The following ARFGAP1 variants were observed in gnomAD, a reference collection of about 807,000 sequenced individuals.
ARFGAP1 encodes the protein ARF GTPase activating protein 1.
ARFGAP1 carries 26 observed loss-of-function variants against 54.0 expected under a neutral mutation model. The ratio of observed to expected loss-of-function variants is 0.48; its 90% CI spans 0.35 to 0.67. ARFGAP1 has a LOEUF of 0.67. Among genes scored for constraint, ARFGAP1 ranks in the 30% least tolerant of loss-of-function variants. The pLI is 0.00. For missense variants in ARFGAP1, 525 were observed against 535.8 expected, an observed-to-expected ratio of 0.98 and a Z score of 0.20; for synonymous variants, 248 against 211.9, an observed-to-expected ratio of 1.17 and a Z score of -1.48.
chr20:63,274,828 A>G (rs1419068046), intron 1 of ARFGAP1, among the ~76,000 whole-genome samples: 4 of 152,180 alleles, frequency 2.6e-5, no homozygotes, highest in Non-Finnish European at 5.9e-5. Context: ...TTGAAGTTGT[A>G]CTTTGCTGAA....
intron 12 of ARFGAP1, 121 bp from the exon 13 acceptor site, chr20:63,287,443 A>G: frequency 1.1e-6 from 1 of 897,760 alleles, no homozygotes; most frequent in Non-Finnish European, 1.6e-6. Flanking sequence ...GCTGCTGTGG[A>G]CCCTGAGCGC....
At chr20:63,284,574 C>G (rs561687147) in intron 9 of ARFGAP1, 3 of 1,288,838 alleles carry the variant, frequency 2.3e-6, no homozygotes, top group Non-Finnish European at 2.0e-6. Flanking sequence ...GGGCCTGTTC[C>G]CACCAGCCCG....
chr20:63,282,906 A>C, intron 9 of ARFGAP1, 55 bp downstream of exon 9: 1 of 1,597,202 alleles, frequency 6.3e-7, no homozygotes, highest in Middle Eastern at 1.7e-4. Flanking sequence ...CCTGAGTCTG[A>C]CGTCACGTGC....
intron 6 of ARFGAP1, chr20:63,278,646 C>A: frequency 1.9e-6 from 1 of 531,842 alleles, no homozygotes; most frequent in Non-Finnish European, 3.3e-6. Flanking sequence ...TTGTTTTGAT[C>A]CTTCTTCTAG....
Position 63,278,160 on chromosome 20 carries a change from G to A in ARFGAP1, c.487G>A (p.Ala163Thr), listed in dbSNP as rs970162913. The A allele has an allele frequency of 5.0e-6, 8 of 1,613,746 alleles. No individual in the cohort carries two copies. The highest frequency in any genetic ancestry group is 5.1e-6 in the Non-Finnish European group (6 of 1,179,966). Residue 163 changes from alanine to threonine, a missense_variant, in exon 6 of 13, where the codon GCT becomes ACT. Ala to Thr is a moderately conservative substitution (Grantham distance 58, BLOSUM62 0). This residue lies in a region of ARFGAP1 where 466 missense variants were observed against 453.6 expected (regional missense o/e 1.03). Transcript: ENST00000370283. Reference protein sequence around the residue: ...PQSVTASSDKAFEDWLNDDLG... With the variant: ...PQSVTASSDKTFEDWLNDDLG... ...GAGTGTGACCGCCTCCTCGGACAAG[G>A]CTTTTGAAGACTGGCTGAATGATGA...
rs777264301 is a variant in ARFGAP1 at position 63,287,650 on chromosome 20, G to A, written c.998G>A (p.Gly333Glu). Residue 333 changes from glycine to glutamate, a missense_variant, in exon 13 of 13, where the codon GGA (glycine) becomes GAA (glutamate). Physicochemically the swap from Gly to Glu is moderately conservative, Grantham distance 98. Transcript: ENST00000370283. ...NIDQSFWETF[G>E]SAEPTKTRKS... ...GACCAGAGCTTCTGGGAGACCTTTGGAAGTGCTGAGCCCACCAAGACCCGC... is the reference window on the plus strand; with the variant it reads ...GACCAGAGCTTCTGGGAGACCTTTGAAAGTGCTGAGCCCACCAAGACCCGC... 7 of 1,612,596 alleles carry A rather than the reference G, an allele frequency of 4.3e-6. No individual in the cohort carries two copies. Among genetic ancestry groups the A allele is most frequent in the Non-Finnish European group, 5.9e-6 (7 of 1,179,946 alleles).
At position 63,288,560 on chromosome 20, in the gene ARFGAP1, G is replaced by A. The variant is rs752330600; in HGVS notation, c.*687G>A. On this transcript the variant is annotated 3_prime_UTR_variant, in exon 13 of 13. Coordinates refer to ENST00000370283, the MANE Select transcript of ARFGAP1 (RefSeq NM_018209.4). ...CACCCACACCTGAGCTGTTCTCAGTGCTGGAACTTGACCATCCTGGAACAC... is the reference window on the plus strand; with the variant it reads ...CACCCACACCTGAGCTGTTCTCAGTACTGGAACTTGACCATCCTGGAACAC... The A allele has an allele frequency of 3.8e-5, 17 of 452,594 alleles. No individual in the cohort carries two copies. Among genetic ancestry groups the A allele is most frequent in the African/African-American group, 2.0e-5 (1 of 50,024 alleles). 28.0% of individuals were successfully genotyped at this position (452,594 alleles called of 1,614,324 possible). A position where few individuals can be genotyped will look rare whatever the true frequency, so the allele number is the denominator to read the frequency against.
rs745961053 is a variant in ARFGAP1 at position 63,276,681 on chromosome 20, ATGGTG to A, written c.342+34_342+38del. On this transcript the variant is annotated intron_variant, in intron 4 of 12. Transcript: ENST00000370283. The surrounding 1 kb of genome is among the most constrained non-coding windows in gnomAD (Gnocchi z 5.2). ...AGATGGGCCCGATTCACTCTTGCCCATGGTGTGGGGCTGCCCTGCCGTTTGTGGCA... is the reference window on the plus strand; with the variant it reads ...AGATGGGCCCGATTCACTCTTGCCCATGGGGCTGCCCTGCCGTTTGTGGCA... 1.3e-6 allele frequency: 2 copies of A among 1,579,160 alleles called. No individual in the cohort carries two copies. Among genetic ancestry groups the A allele is most frequent in the South Asian group, 1.2e-5 (1 of 86,084 alleles).
intron 4 of ARFGAP1, 54 bp from the exon 5 acceptor site, chr20:63,277,151 G>C (rs529815011): frequency 2.0e-6 from 3 of 1,513,296 alleles, no homozygotes; most frequent in Non-Finnish European, 1.8e-6. Flanking sequence ...GACGGTGCCC[G>C]AGGGCATCGC....
Position 63,276,028 on chromosome 20 carries a change from G to A in ARFGAP1, c.61-63G>A. 1 of 1,503,922 alleles carries A rather than the reference G, an allele frequency of 6.6e-7. No individual in the cohort carries two copies. Among genetic ancestry groups the A allele is most frequent in the East Asian group, 2.3e-5 (1 of 44,372 alleles). The allele number at this position is 1,503,922 out of a possible 1,614,324, so 93.2% of individuals were successfully genotyped here. On this transcript the variant is annotated intron_variant, in intron 2 of 12. Coordinates refer to ENST00000370283, the MANE Select transcript of ARFGAP1 (RefSeq NM_018209.4). The surrounding 1 kb of genome is among the most constrained non-coding windows in gnomAD (Gnocchi z 5.2). Reference sequence around the variant, plus strand: ...TTCGCTCCTTGAGGCCACCTGTCGGGTCTTTGGGGTCCCTGGGCTCTGCCC... The same window carrying A: ...TTCGCTCCTTGAGGCCACCTGTCGGATCTTTGGGGTCCCTGGGCTCTGCCC...
At position 63,276,849 on chromosome 20, in the gene ARFGAP1, C is replaced by T. The variant is rs546998477; in HGVS notation, c.342+198C>T. On this transcript the variant is annotated intron_variant, in intron 4 of 12. Coordinates refer to ENST00000370283, the MANE Select transcript of ARFGAP1 (RefSeq NM_018209.4). The surrounding 1 kb of genome is among the most constrained non-coding windows in gnomAD (Gnocchi z 5.2). ...GAGGCAAATGGCTTGCGGGGGGAGA[C>T]AGACCTTCCCCGCCTCCAGGGGAGA... 8.4e-6 allele frequency: 5 copies of T among 592,760 alleles called. No individual in the cohort carries two copies. In the Admixed American group the frequency reaches 1.3e-4, roughly 15 times the overall value. 36.7% of individuals were successfully genotyped at this position (592,760 alleles called of 1,614,324 possible).
At chr20:63,281,855 C>T (rs1418348691) in intron 8 of ARFGAP1, among the ~76,000 whole-genome samples, 1 of 152,152 alleles carries the variant, frequency 6.6e-6, no homozygotes, top group Admixed American at 6.5e-5. Context: ...CATGGGCCCC[C>T]GGGGGCTGGG....
chr20:63,285,820 G>T (rs1051584857), intron 11 of ARFGAP1, 107 bp downstream of exon 11: 8 of 1,514,944 alleles, frequency 5.3e-6, no homozygotes, highest in East Asian at 4.5e-5. Context: ...GCCCAGCTTG[G>T]CAGTGGCCGC....
Position 63,287,665 on chromosome 20 carries a change from C to T in ARFGAP1, c.1013C>T (p.Thr338Ile), listed in dbSNP as rs1344599642. ...FWETFGSAEP[T>I]KTRKSPSSDS... ...GAGACCTTTGGAAGTGCTGAGCCCA[C>T]CAAGACCCGCAAGTCCCCGAGCAGC... Residue 338 changes from threonine to isoleucine, a missense_variant, in exon 13 of 13, where the codon ACC becomes ATC. This residue lies in a region of ARFGAP1 where 466 missense variants were observed against 453.6 expected (regional missense o/e 1.03). Transcript: ENST00000370283. 1 of 1,612,624 alleles carries T rather than the reference C, an allele frequency of 6.2e-7. No individual in the cohort carries two copies. The highest frequency in any genetic ancestry group is 1.3e-5 in the African/African-American group (1 of 75,010).
Position 63,276,748 on chromosome 20 carries a change from C to T in ARFGAP1, c.342+97C>T, listed in dbSNP as rs1217117597. On this transcript the variant is annotated intron_variant, in intron 4 of 12. Transcript: ENST00000370283. This position sits in a 1 kb window ranked among gnomAD's most constrained non-coding sequence, Gnocchi z 5.2. ...GCCTTTAGTGGTTCTGGAGTCGGTT[C>T]TTCTGCTGGTTCTGACACACCCACT... The T allele has an allele frequency of 4.4e-6, 6 of 1,378,424 alleles. No individual in the cohort carries two copies. In the African/African-American group the frequency reaches 8.7e-5, roughly 20 times the overall value. 85.4% of individuals were successfully genotyped at this position (1,378,424 alleles called of 1,614,324 possible). A position where few individuals can be genotyped will look rare whatever the true frequency, so the allele number is the denominator to read the frequency against.
In ARFGAP1 at chr20:63,276,588, C is replaced by T. The variant is rs200629964; in HGVS notation, c.279C>T (p.Tyr93=). Residue 93 remains tyrosine (Y), a synonymous_variant, in exon 4 of 13, where the codon TAC becomes TAT. Coordinates refer to ENST00000370283, the MANE Select transcript of ARFGAP1 (RefSeq NM_018209.4). This position sits in a 1 kb window ranked among gnomAD's most constrained non-coding sequence, Gnocchi z 5.2. ...AGTTCCTGGAGTCTCAGGAGGATTA[C>T]GATCCTTGCTGGTCCTTGCAGGAGA... The part of the protein sequence containing the change: ...FREFLESQED[Y]DPCWSLQEKY... 6.2e-6 allele frequency: 10 copies of T among 1,614,000 alleles called. No individual in the cohort carries two copies. Among genetic ancestry groups the T allele is most frequent in the Middle Eastern group, 1.7e-4 (1 of 6,060 alleles).
rs779188595 is a variant in ARFGAP1 at position 63,281,291 on chromosome 20, G to A, written c.628G>A (p.Gly210Ser). The A allele has an allele frequency of 6.2e-7, 1 of 1,600,906 alleles. No individual in the cohort carries two copies. Among genetic ancestry groups the A allele is most frequent in the Non-Finnish European group, 8.5e-7 (1 of 1,176,670 alleles). The change falls in exon 8 of 13, where the codon GGC (glycine) becomes AGC (serine). Residue 210 changes from glycine to serine, a missense_variant and splice_region_variant. Around this residue, in one of 3 missense-constraint regions of ARFGAP1, gnomAD observed 466 missense variants for 453.6 expected, o/e 1.03. Coordinates refer to ENST00000370283, the MANE Select transcript of ARFGAP1 (RefSeq NM_018209.4). The part of the protein sequence containing the change: ...LNNAMSSLYS[G>S]WSSFTTGASR... ...GGCTGCTCTTTGTCGCCTCCCTCAG[G>A]GCTGGAGCAGCTTCACCACTGGAGC...
intron 7 of ARFGAP1, 67 bp downstream of exon 7, chr20:63,279,062 A>G: frequency 1.3e-6 from 2 of 1,493,428 alleles, no homozygotes; most frequent in Non-Finnish European, 1.9e-6. Context: ...GACGGGCCAT[A>G]GTGGGCAGTG....
chr20:63,278,061 G>T, intron 5 of ARFGAP1, 56 bp from the exon 6 acceptor site: 1 of 1,543,518 alleles, frequency 6.5e-7, no homozygotes, highest in African/African-American at 1.4e-5. Flanking sequence ...TGCTTCTGGG[G>T]TTACCTCAGA....
Sources: gnomAD v4.1 joint callset for allele counts (sites outside exome capture counted in the v4.1 genomes callset) on GRCh38, gnomAD v4.1.1 for gene constraint, gnomAD v4.1.1 regional missense constraint, Gnocchi (gnomAD v3.1) non-coding constraint, MANE v1.5 for transcripts, NCBI Gene and HGNC (gene_info 2026-07-23, HGNC 2026-07-21) for gene names.